The following EPB41 variants were observed in gnomAD, a reference collection of about 807,000 sequenced individuals.
EPB41 encodes protein 4.1.
In EPB41, 65 loss-of-function variants were observed where a neutral mutation model predicts 108.0. The ratio of observed to expected loss-of-function variants is 0.60; its 90% CI spans 0.49 to 0.74. EPB41 has a LOEUF of 0.74. Ranked by LOEUF, EPB41 falls within the 30% of genes least tolerant of loss-of-function variation. EPB41 has a pLI of 0.00. For missense variants in EPB41, 875 were observed against 1,037.0 expected (o/e 0.84, Z 2.15); for synonymous variants, 336 against 358.9 (o/e 0.94, Z 0.72).
At chr1:28,911,332 A>G (rs1336450597), upstream of EPB41, among the ~76,000 whole-genome samples, 1 of 152,194 alleles carries the variant, frequency 6.6e-6, no homozygotes, top group Non-Finnish European at 1.5e-5. Context: ...GGTCTTTCAG[A>G]TTCTAAAGCC....
At chr1:28,944,698 G>A (rs767850772) in intron 1 of EPB41, among the ~76,000 whole-genome samples, 1 of 151,720 alleles carries the variant, frequency 6.6e-6, no homozygotes, top group African/African-American at 2.4e-5. Context: ...CACCACGCCC[G>A]GCTAATTTTT....
At chr1:28,908,167 C>T (rs1036826756) in intron 1 of EPB41, among the ~76,000 whole-genome samples, 12 of 151,714 alleles carry the variant, frequency 7.9e-5, no homozygotes, top group African/African-American at 2.4e-4. Context: ...TTTGGGAGGC[C>T]GAGTCGGGCA....
In EPB41 at chr1:29,018,419, C is replaced by T; in HGVS notation, c.1101C>T (p.Val367=). 3 of 1,614,058 alleles carry T rather than the reference C, an allele frequency of 1.9e-6. No homozygotes were observed. Among genetic ancestry groups the T allele is most frequent in the Middle Eastern group, 3.3e-4 (2 of 6,060 alleles). Residue 367 remains valine (V), a synonymous_variant, in exon 7 of 21, where the codon GTC becomes GTT. Transcript: ENST00000343067. This position sits in a 1 kb window ranked among gnomAD's most constrained non-coding sequence, Gnocchi z 4.4. ...AGACCAAGGAACTTGAAGAGAAGGT[C>T]ATGGAACTGCATAAGTCATACAGGT... ...PNQTKELEEK[V]MELHKSYRSM...
At chr1:28,932,342 C>T (rs567891160) in intron 1 of EPB41, among the ~76,000 whole-genome samples, 8 of 152,014 alleles carry the variant, frequency 5.3e-5, no homozygotes, top group Admixed American at 4.6e-4. Flanking sequence ...AGGCTGATCT[C>T]GAACTCTTGA....
At chr1:29,088,894 G>T (rs1660218684) in intron 16 of EPB41, among the ~76,000 whole-genome samples, 1 of 152,154 alleles carries the variant, frequency 6.6e-6, no homozygotes, top group African/African-American at 2.4e-5. Flanking sequence ...AAGATCCCTT[G>T]GGCCCAGGGA....
chr1:29,046,384 C>T (rs930373737), intron 11 of EPB41, among the ~76,000 whole-genome samples: 9 of 152,206 alleles, frequency 5.9e-5, no homozygotes, highest in African/African-American at 1.9e-4. Context: ...ACCTCGGCCT[C>T]CCAAAGTGCT....
intron 11 of EPB41, among the ~76,000 whole-genome samples, chr1:29,047,932 C>T (rs1428189484): frequency 6.6e-6 from 1 of 151,618 alleles, no homozygotes; most frequent in African/African-American, 2.4e-5. Context: ...TACAGGCATG[C>T]GCCACCATGC....
At chr1:28,914,021 C>T (rs1044943094), upstream of EPB41, among the ~76,000 whole-genome samples, 1 of 152,104 alleles carries the variant, frequency 6.6e-6, no homozygotes, top group African/African-American at 2.4e-5. Context: ...AAAGTCTCAT[C>T]GAATGTCAGG....
chr1:28,945,358 G>C (rs898519807), intron 1 of EPB41, among the ~76,000 whole-genome samples: 1 of 152,046 alleles, frequency 6.6e-6, no homozygotes, highest in East Asian at 1.9e-4. Flanking sequence ...GTGTTATATC[G>C]ATAAAGACGG....
intron 16 of EPB41, among the ~76,000 whole-genome samples, chr1:29,094,950 T>A (rs2151458101): frequency 6.6e-6 from 1 of 152,324 alleles, no homozygotes. Flanking sequence ...ATACTTTAAA[T>A]CATCTCTAGA....
In EPB41 at chr1:29,060,436, A is replaced by G. The variant is rs924946031; in HGVS notation, c.1959A>G (p.Arg653=). ...LIRMRKKKRE[R]LDGENIYIRH... ...CATTTTCACAGAAAAAGAGAGAAAG[A>G]CTAGATGGTGAAAACATTTATATCA... Residue 653 remains arginine (R), a synonymous_variant, in exon 15 of 21, where the codon AGA becomes AGG. Coordinates refer to ENST00000343067, the MANE Select transcript of EPB41 (RefSeq NM_001376013.1). 29 of 1,612,516 alleles carry G rather than the reference A, an allele frequency of 1.8e-5. No individual in the cohort carries two copies. Among genetic ancestry groups the G allele is most frequent in the Non-Finnish European group, 2.4e-5 (28 of 1,178,740 alleles).
chr1:28,986,128 A>T (rs536271232), intron 1 of EPB41, among the ~76,000 whole-genome samples: 4 of 151,580 alleles, frequency 2.6e-5, no homozygotes, highest in African/African-American at 9.7e-5. Context: ...ATGGTTTCCA[A>T]TTTCATCCAT....
intron 1 of EPB41, among the ~76,000 whole-genome samples, chr1:28,972,291 A>G (rs928309048): frequency 6.6e-6 from 1 of 152,198 alleles, no homozygotes. Flanking sequence ...TTTGTTTCAC[A>G]TTGTCCTCAT....
At chr1:28,967,347 G>A (rs1329640423) in intron 1 of EPB41, among the ~76,000 whole-genome samples, 2 of 152,154 alleles carry the variant, frequency 1.3e-5, no homozygotes, top group South Asian at 2.1e-4. Flanking sequence ...TCAGGAAAAT[G>A]TGTTTGGTTC....
intron 5 of EPB41, among the ~76,000 whole-genome samples, chr1:29,013,483 C>T (rs547103250): frequency 7.9e-5 from 12 of 152,132 alleles, no homozygotes; most frequent in Admixed American, 7.2e-4. Context: ...ACATTTATTG[C>T]AAAGGTGGGG....
At chr1:28,966,742 C>T (rs969580459) in intron 1 of EPB41, among the ~76,000 whole-genome samples, 1 of 152,082 alleles carries the variant, frequency 6.6e-6, no homozygotes, top group East Asian at 1.9e-4. Context: ...GGTAGTCTTC[C>T]AGGCAGAAGA....
chr1:28,991,956 ATTG>A (rs2096032007), intron 2 of EPB41, among the ~76,000 whole-genome samples: 1 of 152,198 alleles, frequency 6.6e-6, no homozygotes, highest in Non-Finnish European at 1.5e-5. Context: ...GCCCATTGTA[ATTG>A]TTGTATAAAT....
rs776843734 is a variant in EPB41, at chr1:29,097,872, C to G, written c.2250C>G (p.Ile750Met). ...ATGCCAATGCTGTGAAAAGTGAAAT[C>G]CCAACCAAAGACGTCCCTATTGTCC... ...SDNANAVKSEIPTKDVPIVHT... is the reference protein window; with the variant it reads ...SDNANAVKSEMPTKDVPIVHT... Residue 750 changes from isoleucine to methionine, a missense_variant, in exon 17 of 21, where the codon ATC becomes ATG. Transcript: ENST00000343067. 2.5e-6 allele frequency: 4 copies of G among 1,614,008 alleles called. No homozygotes were observed. The East Asian group carries it at 6.7e-5, about 27-fold the overall frequency.
At chr1:29,002,022 G>A (rs917903414) in intron 4 of EPB41, among the ~76,000 whole-genome samples, 1 of 152,128 alleles carries the variant, frequency 6.6e-6, no homozygotes, top group Admixed American at 6.5e-5. Flanking sequence ...CCACATACTA[G>A]TTGCAAGTTA....
Sources: allele counts gnomAD v4.1 joint callset (sites outside exome capture counted in the v4.1 genomes callset), GRCh38; gene constraint gnomAD v4.1.1; non-coding constraint Gnocchi (gnomAD v3.1); transcripts MANE v1.5; gene names NCBI Gene and HGNC (gene_info 2026-07-23, HGNC 2026-07-21).